Variants in ABTB3 observed in about 807,000 individuals in gnomAD.
ABTB3 encodes the protein ankyrin repeat and BTB domain containing 3.
At chr12:107,391,509 A>T in the ABTB3 span, among the ~76,000 whole-genome samples, 3 of 152,074 alleles carry the variant, frequency 2.0e-5, no homozygotes, top group Admixed American at 6.5e-5. Context: ...TGATCCTTCC[A>T]CCTCCCCACC....
At chr12:107,540,416 A>C in the ABTB3 span, among the ~76,000 whole-genome samples, 9 of 152,198 alleles carry the variant, frequency 5.9e-5, no homozygotes, top group Admixed American at 2.0e-4. Context: ...TTCCTCACTC[A>C]GCCCACTGAT....
At chr12:107,398,747 T>A in the ABTB3 span, among the ~76,000 whole-genome samples, 3 of 151,908 alleles carry the variant, frequency 2.0e-5, no homozygotes, top group Non-Finnish European at 4.4e-5. Context: ...TATACAGGAG[T>A]CCAAACTCAC....
At chr12:107,654,298 T>C in the ABTB3 span, among the ~76,000 whole-genome samples, 2 of 150,328 alleles carry the variant, frequency 1.3e-5, no homozygotes, top group South Asian at 4.2e-4. Context: ...GGGTTTTCTT[T>C]GTTTTTGTTT....
the ABTB3 span, among the ~76,000 whole-genome samples, chr12:107,376,478 T>A: frequency 5.9e-5 from 9 of 152,322 alleles, no homozygotes; most frequent in South Asian, 1.9e-3. Flanking sequence ...GGGCTTATAT[T>A]CACCCTAACA....
chr12:107,616,161 G>A, the ABTB3 span, among the ~76,000 whole-genome samples: 7 of 152,200 alleles, frequency 4.6e-5, no homozygotes, highest in Admixed American at 1.3e-4. Flanking sequence ...GAAGGGGTCG[G>A]TTGGTGGTCT....
the ABTB3 span, among the ~76,000 whole-genome samples, chr12:107,577,996 C>T: frequency 6.6e-6 from 1 of 151,820 alleles, no homozygotes; most frequent in East Asian, 1.9e-4. Flanking sequence ...ACCAGTGGAA[C>T]ATTGTTCTCT....
At chr12:107,585,088 G>A in the ABTB3 span, among the ~76,000 whole-genome samples, 20 of 152,044 alleles carry the variant, frequency 1.3e-4, no homozygotes, top group African/African-American at 2.9e-4. Flanking sequence ...GAAACACTTC[G>A]GAAATATACA....
chr12:107,565,843 G>C, the ABTB3 span, among the ~76,000 whole-genome samples: 3 of 152,186 alleles, frequency 2.0e-5, no homozygotes, highest in African/African-American at 7.2e-5. Context: ...CAGATACTCA[G>C]CCCTGAATAT....
the ABTB3 span, among the ~76,000 whole-genome samples, chr12:107,448,213 T>C: frequency 6.6e-6 from 1 of 152,232 alleles, no homozygotes; most frequent in Non-Finnish European, 1.5e-5. Flanking sequence ...CTTTGGTTTA[T>C]TCACCTGCAA....
At chr12:107,416,348 T>C in the ABTB3 span, among the ~76,000 whole-genome samples, 1 of 152,160 alleles carries the variant, frequency 6.6e-6, no homozygotes, top group Non-Finnish European at 1.5e-5. Flanking sequence ...TTATTTCTGT[T>C]AGCAGTTTCT....
chr12:107,642,105 C>G, the ABTB3 span: 2 of 1,614,014 alleles, frequency 1.2e-6, no homozygotes, highest in Non-Finnish European at 1.7e-6. Context: ...AAGCACTCCT[C>G]TCCAGCAAGC....
chr12:107,544,136 A>G, the ABTB3 span: 2 of 1,613,810 alleles, frequency 1.2e-6, no homozygotes, highest in Non-Finnish European at 1.7e-6. Context: ...CTCCAGGTGG[A>G]AAGGTAAGAA....
At chr12:107,518,789 G>T in the ABTB3 span, among the ~76,000 whole-genome samples, 1 of 152,130 alleles carries the variant, frequency 6.6e-6, no homozygotes, top group Non-Finnish European at 1.5e-5. Flanking sequence ...AGCAGGGTTG[G>T]AAACACAGCA....
the ABTB3 span, among the ~76,000 whole-genome samples, chr12:107,433,207 G>A: frequency 6.0e-5 from 9 of 149,178 alleles, no homozygotes; most frequent in East Asian, 8.1e-4. Context: ...GGAGAATGGC[G>A]TGAACCCGGG....
chr12:107,343,160 G>T, the ABTB3 span, among the ~76,000 whole-genome samples: 1 of 152,040 alleles, frequency 6.6e-6, no homozygotes, highest in Middle Eastern at 3.2e-3. Context: ...GACCACAAGT[G>T]CACACCACCA....
chr12:107,554,239 A>G, the ABTB3 span, among the ~76,000 whole-genome samples: 1 of 152,210 alleles, frequency 6.6e-6, no homozygotes. Context: ...GAACCTAAGG[A>G]TCGTCATAGC....
chr12:107,378,463 A>C, the ABTB3 span, among the ~76,000 whole-genome samples: 2 of 152,178 alleles, frequency 1.3e-5, no homozygotes, highest in African/African-American at 4.8e-5. Context: ...ATACTGTCCT[A>C]TTTTATACAT....
At chr12:107,580,677 G>A in the ABTB3 span, 2 of 604,560 alleles carry the variant, frequency 3.3e-6, no homozygotes, top group Admixed American at 3.3e-5. Context: ...CGACAGGGAC[G>A]AGGCTGCAGA....
chr12:107,448,622 G>GTTCTTTCT, the ABTB3 span, among the ~76,000 whole-genome samples: 4 of 151,558 alleles, frequency 2.6e-5, no homozygotes, highest in Non-Finnish European at 5.9e-5. Flanking sequence ...GAACCTGTAT[G>GTTCTTTCT]TTCTTTCTTT....
Sources: gnomAD v4.1 joint callset for allele counts (sites outside exome capture counted in the v4.1 genomes callset) on GRCh38, gnomAD v4.1.1 for gene constraint, MANE v1.5 for transcripts, NCBI Gene and HGNC (gene_info 2026-07-23, HGNC 2026-07-21) for gene names.